C10orf67: variants seen among roughly 807,000 people sequenced by gnomAD.
C10orf67 encodes the protein chromosome 10 open reading frame 67.
C10orf67 carries 60 observed loss-of-function variants against 35.6 expected under a neutral mutation model. That is an observed-to-expected ratio of 1.68 (90% CI 1.37 to 2.09). The LOEUF is 2.09. Ranked by LOEUF, C10orf67 falls within the 30% of genes most tolerant of loss-of-function variation. The pLI is 0.00. For missense variants in C10orf67, 474 were observed against 330.2 expected, an observed-to-expected ratio of 1.44 and a Z score of -3.38; for synonymous variants, 167 against 115.8, an observed-to-expected ratio of 1.44 and a Z score of -2.84.
At chr10:23,294,370 CACACACACACACACAGAA>C (rs1167759773) in intron 5 of C10orf67, among the ~76,000 whole-genome samples, 16 of 151,012 alleles carry the variant, frequency 1.1e-4, no homozygotes, top group South Asian at 6.3e-4. Flanking sequence ...TGCACAGGCA[CACACACACACACACAGAA>C]ACACACACAC....
At chr10:23,341,474 T>A (rs1000216935) in intron 1 of C10orf67, among the ~76,000 whole-genome samples, 2 of 152,204 alleles carry the variant, frequency 1.3e-5, no homozygotes, top group African/African-American at 2.4e-5. Flanking sequence ...GTCTCCTGTT[T>A]CCTTGTTTCT....
intron 8 of C10orf67, among the ~76,000 whole-genome samples, chr10:23,268,931 T>C (rs1484123841): frequency 2.0e-5 from 3 of 152,232 alleles, no homozygotes; most frequent in African/African-American, 4.8e-5. Flanking sequence ...AGTAGAAACA[T>C]GGTATCATAA....
intron 13 of C10orf67, among the ~76,000 whole-genome samples, chr10:23,235,226 T>C (rs1469204809): frequency 1.3e-5 from 2 of 151,834 alleles, no homozygotes; most frequent in Non-Finnish European, 2.9e-5. Context: ...TGAAATTCAA[T>C]GAAAAAAGAC....
intron 15 of C10orf67, among the ~76,000 whole-genome samples, chr10:23,206,654 A>T (rs190328995): frequency 6.6e-6 from 1 of 152,340 alleles, no homozygotes; most frequent in African/African-American, 2.4e-5. Context: ...CTGATTTGGT[A>T]AATGCCTCAT....
At chr10:23,322,287 T>C in intron 3 of C10orf67, 107 bp downstream of exon 3, 1 of 1,201,968 alleles carries the variant, frequency 8.3e-7, no homozygotes, top group Admixed American at 2.3e-5. Context: ...ACACAACTAA[T>C]GCAAATTACA....
At chr10:23,284,925 T>C (rs1843488306) in intron 7 of C10orf67, among the ~76,000 whole-genome samples, 1 of 152,206 alleles carries the variant, frequency 6.6e-6, no homozygotes, top group African/African-American at 2.4e-5. Context: ...GAAGGGACCA[T>C]AGGTATATAC....
chr10:23,329,797 C>CAAAAAAAAAAAAAAAAAAAAAAAAAAAA (rs398013008), intron 2 of C10orf67, among the ~76,000 whole-genome samples: 3 of 48,072 alleles, frequency 6.2e-5, no homozygotes, highest in African/African-American at 2.0e-4. Context: ...GAACTTGTCT[C>CAAAAAAAAAAAAAAAAAAAAAAAAAAAA]AAAAAAAAAA....
chr10:23,228,300 T>C (rs1841801285), intron 13 of C10orf67, among the ~76,000 whole-genome samples: 1 of 152,080 alleles, frequency 6.6e-6, no homozygotes, highest in Non-Finnish European at 1.5e-5. Flanking sequence ...TCTACAACCA[T>C]CTGATCTTTG....
intron 8 of C10orf67, among the ~76,000 whole-genome samples, chr10:23,274,498 T>C (rs1198072224): frequency 6.6e-6 from 1 of 152,146 alleles, no homozygotes. Context: ...GGGAAAAGAA[T>C]TCGGTGATAT....
intron 4 of C10orf67, among the ~76,000 whole-genome samples, chr10:23,315,018 A>G (rs900688040): frequency 3.3e-5 from 5 of 152,234 alleles, no homozygotes; most frequent in African/African-American, 1.2e-4. Context: ...AAAAGTGTAT[A>G]TAGCACTTCG....
intron 10 of C10orf67, among the ~76,000 whole-genome samples, chr10:23,257,257 G>T (rs922390490): frequency 6.6e-6 from 1 of 152,118 alleles, no homozygotes; most frequent in Non-Finnish European, 1.5e-5. Flanking sequence ...AAAGTCCACC[G>T]CTGGGGCCTG....
At chr10:23,225,174 G>C (rs1841702602) in intron 13 of C10orf67, among the ~76,000 whole-genome samples, 1 of 152,176 alleles carries the variant, frequency 6.6e-6, no homozygotes, top group Admixed American at 6.5e-5. Context: ...GGATCTCTCG[G>C]CAGAAACTCT....
In C10orf67 at chr10:23,243,617, G is replaced by T. The variant is rs367705582; in HGVS notation, c.1347-3801C>A. Among the ~76,000 whole-genome samples the T allele has an allele frequency of 1.8e-4, 27 of 151,998 alleles. No homozygotes were observed. The South Asian group carries it at 4.2e-3, about 23-fold the overall frequency. ...CAGGAGAATTGCTTGAACCTGGGAG[G>T]CGGAGGTTGCGGTGAGCTGAGATCA... is the stretch of plus-strand genomic sequence containing the variant. On this transcript the variant is annotated intron_variant, in intron 12 of 15. Transcript: ENST00000636213.
At position 23,236,446 on chromosome 10, in the gene C10orf67, AAAAC is replaced by A. The variant is rs1364557475; in HGVS notation, c.1434+3279_1434+3282del. 8.3e-4 allele frequency among the ~76,000 whole-genome samples: 126 copies of A among 152,002 alleles called. 1 individual carries two copies. Among genetic ancestry groups the A allele is most frequent in the African/African-American group, 2.9e-3 (119 of 41,436 alleles). On this transcript the variant is annotated intron_variant, in intron 13 of 15. Transcript: ENST00000636213. ...ACTCTGTCTCAAAACAAAACAAAACAAAACAAACAAAAAACAAACAAAAAAACAA... is the reference window on the plus strand; with the variant it reads ...ACTCTGTCTCAAAACAAAACAAAACAAAACAAAAAACAAACAAAAAAACAA...
chr10:23,325,276 T>C lies in C10orf67; in HGVS notation c.328-2739A>G, dbSNP rs139644819. 7.2e-5 allele frequency among the ~76,000 whole-genome samples: 11 copies of C among 152,160 alleles called. No homozygotes were observed. The East Asian group carries it at 1.9e-3, about 27-fold the overall frequency. ...TCACTTGAGCCTAGGAGTTTGGGGC[T>C]GCAGTGAGCTATGACTGTGCTACTG... On this transcript the variant is annotated intron_variant, in intron 2 of 15. Transcript: ENST00000636213.
chr10:23,303,844 T>C (rs963991506), intron 4 of C10orf67, among the ~76,000 whole-genome samples: 6 of 152,196 alleles, frequency 3.9e-5, no homozygotes, highest in Non-Finnish European at 5.9e-5. Flanking sequence ...GAGGGAGATT[T>C]GGGACCTGGA....
At chr10:23,281,441 G>A (rs1241454526) in intron 8 of C10orf67, among the ~76,000 whole-genome samples, 2 of 151,798 alleles carry the variant, frequency 1.3e-5, no homozygotes, top group African/African-American at 2.4e-5. Flanking sequence ...TCAGTTTACC[G>A]TAACAAAGAC....
intron 2 of C10orf67, among the ~76,000 whole-genome samples, chr10:23,323,944 TATATATATAC>T (rs1588695915): frequency 1.6e-5 from 1 of 63,828 alleles, no homozygotes; most frequent in South Asian, 6.8e-4. Flanking sequence ...TATATATATA[TATATATATAC>T]ACACACACAC....
At chr10:23,328,695 A>G (rs574936382) in intron 2 of C10orf67, among the ~76,000 whole-genome samples, 1 of 152,062 alleles carries the variant, frequency 6.6e-6, no homozygotes, top group Non-Finnish European at 1.5e-5. Context: ...TAAAAAAAAA[A>G]AAAAAAAGCC....
Sources: gnomAD v4.1 joint callset for allele counts (sites outside exome capture counted in the v4.1 genomes callset) on GRCh38, gnomAD v4.1.1 for gene constraint, MANE v1.5 for transcripts, NCBI Gene and HGNC (gene_info 2026-07-23, HGNC 2026-07-21) for gene names.